The following TTC29 variants were observed in gnomAD, a reference collection of about 807,000 sequenced individuals.
The protein encoded by TTC29 is tetratricopeptide repeat protein 29.
TTC29 carries 49 observed loss-of-function variants against 58.1 expected under a neutral mutation model. The observed-to-expected ratio is 0.84, with a 90% CI of 0.67 to 1.07. The LOEUF (loss-of-function observed/expected upper bound fraction) is 1.07, where lower values mean the gene tolerates loss of function less well. Ranked by LOEUF, TTC29 falls within the 50% of genes least tolerant of loss-of-function variation. The probability of loss-of-function intolerance (pLI) is 0.00; values close to 1 mark genes in which losing one functional copy is unlikely to be tolerated. For synonymous variants in TTC29, 209 were observed against 196.8 expected (o/e 1.06, Z -0.52); for missense variants, 582 against 555.6 (o/e 1.05, Z -0.48).
intron 4 of TTC29, chr4:146,934,020 T>C (rs1160663667): frequency 2.6e-5 from 4 of 151,958 alleles, no homozygotes; most frequent in Non-Finnish European, 1.5e-5. Flanking sequence ...TAGAGAGTGG[T>C]GGAGAGAAAG....
chr4:146,805,071 G>A (rs926976034), intron 10 of TTC29, among the ~76,000 whole-genome samples: 2 of 151,028 alleles, frequency 1.3e-5, no homozygotes, highest in African/African-American at 2.4e-5. Flanking sequence ...CTGCAGCCCC[G>A]CTGGTGATAC....
chr4:146,825,308 C>T (rs961687269), intron 9 of TTC29, among the ~76,000 whole-genome samples: 10 of 152,074 alleles, frequency 6.6e-5, no homozygotes, highest in African/African-American at 2.2e-4. Context: ...TGTCTCTTTG[C>T]TCTCATTGGT....
chr4:146,935,144 G>A (rs935025115), intron 4 of TTC29, among the ~76,000 whole-genome samples: 3 of 152,016 alleles, frequency 2.0e-5, no homozygotes, highest in African/African-American at 7.2e-5. Flanking sequence ...AGCAGGTAAG[G>A]GGATGAGATG....
chr4:146,728,423 T>A (rs1313249721), intron 11 of TTC29, among the ~76,000 whole-genome samples: 1 of 152,036 alleles, frequency 6.6e-6, no homozygotes, highest in African/African-American at 2.4e-5. Context: ...TATATAAGGC[T>A]TTTAAAATTT....
chr4:146,839,780 G>A lies in TTC29; in HGVS notation c.886-5883C>T, dbSNP rs78225686. On this transcript the variant is annotated intron_variant, in intron 8 of 12. Transcript: ENST00000325106. ...AAAGTTCTTCCTTGGGAAAAATTCC[G>A]CAATACCTTGGCATCTCTTCTCTAC... Among the ~76,000 whole-genome samples the A allele has an allele frequency of 1.0e-3, 155 of 150,708 alleles. 1 individual carries two copies. In the East Asian group the frequency reaches 0.027, roughly 26 times the overall value.
chr4:146,796,028 T>C (rs1025572528), intron 11 of TTC29, among the ~76,000 whole-genome samples: 1 of 152,178 alleles, frequency 6.6e-6, no homozygotes, highest in African/African-American at 2.4e-5. Flanking sequence ...ATGGTTTAAC[T>C]GAAAACTTTT....
rs200386481 is a variant in TTC29, at chr4:146,929,095, ATTAAT to A, written c.176+8494_176+8498del. ...ATAAGTAAATTAATAAACAATTTGT[ATTAAT>A]TTAAGGACAGAGGCAATCAACATTG... On this transcript the variant is annotated intron_variant, in intron 4 of 12. Transcript: ENST00000325106. Among the ~76,000 whole-genome samples, 1,298 of 152,324 alleles carry A rather than the reference ATTAAT, an allele frequency of 8.5e-3. 17 individuals are homozygous for A. Among genetic ancestry groups the A allele is most frequent in the African/African-American group, 0.03 (1,248 of 41,572 alleles).
At chr4:146,912,363 C>T (rs950969584) in intron 4 of TTC29, among the ~76,000 whole-genome samples, 2 of 152,102 alleles carry the variant, frequency 1.3e-5, no homozygotes, top group African/African-American at 2.4e-5. Context: ...AAATATTGCA[C>T]AGAACATACT....
intron 6 of TTC29, among the ~76,000 whole-genome samples, chr4:146,877,149 T>C (rs1398154195): frequency 6.6e-6 from 1 of 152,042 alleles, no homozygotes; most frequent in Non-Finnish European, 1.5e-5. Flanking sequence ...CATAAACAAG[T>C]GTTTATAATA....
intron 11 of TTC29, among the ~76,000 whole-genome samples, chr4:146,723,496 T>C (rs1016922913): frequency 6.6e-6 from 1 of 152,082 alleles, no homozygotes; most frequent in Non-Finnish European, 1.5e-5. Context: ...CTGACAAATA[T>C]TTAATACCCA....
At chr4:146,905,119 T>C (rs557917459) in intron 5 of TTC29, among the ~76,000 whole-genome samples, 1 of 152,288 alleles carries the variant, frequency 6.6e-6, no homozygotes, top group East Asian at 1.9e-4. Flanking sequence ...GCGCATGACC[T>C]AAGCTATTTA....
chr4:146,918,693 G>T (rs1734392924), intron 4 of TTC29, among the ~76,000 whole-genome samples: 1 of 150,908 alleles, frequency 6.6e-6, no homozygotes, highest in Non-Finnish European at 1.5e-5. Context: ...CATTTTTTAT[G>T]TGCCCACTTG....
intron 11 of TTC29, among the ~76,000 whole-genome samples, chr4:146,782,021 G>T (rs574800397): frequency 2.0e-5 from 3 of 148,832 alleles, no homozygotes; most frequent in African/African-American, 7.4e-5. Flanking sequence ...GCAAATAAAT[G>T]AAAAAAAAAG....
At chr4:146,829,745 T>C (rs1359031242) in intron 9 of TTC29, among the ~76,000 whole-genome samples, 3 of 152,190 alleles carry the variant, frequency 2.0e-5, no homozygotes, top group East Asian at 1.9e-4. Context: ...AAGATCTCCA[T>C]TGTGGAAAGT....
intron 10 of TTC29, 116 bp from the exon 11 acceptor site, chr4:146,803,801 T>C: frequency 1.4e-6 from 1 of 734,744 alleles, no homozygotes; most frequent in Non-Finnish European, 2.1e-6. Context: ...CAGCAGTTCA[T>C]CTTCAAGAAG....
chr4:146,935,642 T>C (rs985807666), intron 4 of TTC29, among the ~76,000 whole-genome samples: 6 of 152,180 alleles, frequency 3.9e-5, no homozygotes, highest in Non-Finnish European at 8.8e-5. Context: ...CGGCACTCGA[T>C]CATTTCATAT....
chr4:146,910,741 C>T (rs1733843133), intron 4 of TTC29, among the ~76,000 whole-genome samples: 1 of 152,086 alleles, frequency 6.6e-6, no homozygotes, highest in African/African-American at 2.4e-5. Context: ...CAGGTTGTTA[C>T]AGAACTAGTT....
chr4:146,726,760 TA>T lies in TTC29; in HGVS notation c.1331-19210del, dbSNP rs1743813683. 3.3e-5 allele frequency among the ~76,000 whole-genome samples: 5 copies of T among 152,278 alleles called. No homozygotes were observed. In the South Asian group the frequency reaches 6.2e-4, roughly 19 times the overall value. On this transcript the variant is annotated intron_variant, in intron 11 of 12. Transcript: ENST00000325106. ...AAGGGTTTGAACTTGGAAGAGTAAC[TA>T]AATAGAACAGTTCCTTTGCATTGAC... is the stretch of plus-strand genomic sequence containing the variant.
intron 11 of TTC29, among the ~76,000 whole-genome samples, chr4:146,767,686 A>G (rs543737743): frequency 6.6e-6 from 1 of 152,206 alleles, no homozygotes; most frequent in Admixed American, 6.6e-5. Flanking sequence ...AAGTTTCTCA[A>G]GGATACATGC....
Sources: allele counts gnomAD v4.1 joint callset (sites outside exome capture counted in the v4.1 genomes callset), GRCh38; gene constraint gnomAD v4.1.1; transcripts MANE v1.5; gene names NCBI Gene and HGNC (gene_info 2026-07-23, HGNC 2026-07-21).